ARNT2: variants seen among roughly 807,000 people sequenced by gnomAD.
The protein encoded by ARNT2 is aryl hydrocarbon receptor nuclear translocator 2, also known as ARNT protein 2.
In ARNT2, 36 loss-of-function variants were observed where a neutral mutation model predicts 91.7. The ratio of observed to expected loss-of-function variants is 0.39; its 90% CI spans 0.30 to 0.52. ARNT2 has a LOEUF of 0.52. Ranked by LOEUF, ARNT2 falls within the 20% of genes least tolerant of loss-of-function variation. The pLI is 0.72. For missense variants in ARNT2, 775 were observed against 939.3 expected (o/e 0.83, Z 2.29); for synonymous variants, 365 against 347.1 (o/e 1.05, Z -0.57).
chr15:80,445,270 A>G (rs1321572492), intron 1 of ARNT2: 1 of 134,238 alleles, frequency 7.4e-6, no homozygotes, highest in African/African-American at 2.9e-5. Flanking sequence ...ATGTGTGTTG[A>G]TATGGGGTGT....
intron 6 of ARNT2, among the ~76,000 whole-genome samples, chr15:80,511,174 C>T (rs1897335209): frequency 6.6e-6 from 1 of 152,092 alleles, no homozygotes; most frequent in South Asian, 2.1e-4. Flanking sequence ...GGTACGTATA[C>T]ACCATGGAAT....
At chr15:80,550,705 C>T (rs1456106707) in intron 8 of ARNT2, among the ~76,000 whole-genome samples, 3 of 152,380 alleles carry the variant, frequency 2.0e-5, no homozygotes, top group African/African-American at 7.2e-5. Context: ...AGCCCTTAAA[C>T]AACCCTGACT....
At chr15:80,417,129 G>A (rs1166805159) in intron 1 of ARNT2, among the ~76,000 whole-genome samples, 2 of 152,226 alleles carry the variant, frequency 1.3e-5, no homozygotes, top group East Asian at 3.9e-4. Flanking sequence ...AAGTCAATAG[G>A]GAGTTGAAGT....
chr15:80,436,741 T>A lies in ARNT2; in HGVS notation c.32-14139T>A, dbSNP rs148332221. On this transcript the variant is annotated intron_variant, in intron 1 of 18. Transcript: ENST00000303329. ...TATGTGGACAGTCTTCATTTGTGCC[T>A]GGGATTTTAACGTCTCTGCATGCTA... Among the ~76,000 whole-genome samples the A allele has an allele frequency of 2.2e-4, 33 of 152,326 alleles. 1 individual carries two copies. Among genetic ancestry groups the A allele is most frequent in the East Asian group, 1.7e-3 (9 of 5,192 alleles).
intron 1 of ARNT2, among the ~76,000 whole-genome samples, chr15:80,431,033 T>A (rs985042679): frequency 6.6e-6 from 1 of 152,058 alleles, no homozygotes; most frequent in Admixed American, 6.5e-5. Context: ...TTCATTTATA[T>A]CCTTCCTGGA....
intron 18 of ARNT2, 142 bp from the exon 19 acceptor site, chr15:80,593,458 C>T (rs1030033593): frequency 3.1e-6 from 2 of 636,406 alleles, no homozygotes; most frequent in Admixed American, 2.8e-5. Flanking sequence ...GCAGAGCATC[C>T]CGCAGAAGGC....
chr15:80,514,409 A>T lies in ARNT2; in HGVS notation c.877+4A>T. 6.2e-7 allele frequency: 1 copy of T among 1,613,586 alleles called. No individual in the cohort carries two copies. Among genetic ancestry groups the T allele is most frequent in the Non-Finnish European group, 8.5e-7 (1 of 1,179,466 alleles). ...ATCAAGGCCTGGCCACCAGCAGGTAAGGAGACCTGCATGTAAATTCCACGG... is the reference window on the plus strand; with the variant it reads ...ATCAAGGCCTGGCCACCAGCAGGTATGGAGACCTGCATGTAAATTCCACGG... On this transcript the variant is annotated splice_donor_region_variant and intron_variant, in intron 8 of 18. Transcript: ENST00000303329.
intron 8 of ARNT2, among the ~76,000 whole-genome samples, chr15:80,540,483 C>G (rs939737017): frequency 2.6e-5 from 4 of 152,106 alleles, no homozygotes; most frequent in African/African-American, 7.2e-5. Flanking sequence ...ATCCTTTGCT[C>G]ATTTTATTTT....
chr15:80,476,939 G>T lies in ARNT2; in HGVS notation c.622+1716G>T, dbSNP rs146171358. Among the ~76,000 whole-genome samples, 240 of 152,266 alleles carry T rather than the reference G, an allele frequency of 1.6e-3. 1 individual carries two copies. Among genetic ancestry groups the T allele is most frequent in the African/African-American group, 5.3e-3 (219 of 41,544 alleles). On this transcript the variant is annotated intron_variant, in intron 5 of 18. Transcript: ENST00000303329. Reference sequence around the variant, plus strand: ...GATGGGAGGTGATTGGATCATGGGGGTGGGTTCGCCTGAATGGTTTAGTAC... The same window carrying T: ...GATGGGAGGTGATTGGATCATGGGGTTGGGTTCGCCTGAATGGTTTAGTAC...
intron 8 of ARNT2, among the ~76,000 whole-genome samples, chr15:80,546,359 T>C (rs1034643006): frequency 6.6e-5 from 10 of 152,198 alleles, no homozygotes; most frequent in Non-Finnish European, 1.2e-4. Context: ...GACTTCTGCA[T>C]CCATCTGATA....
At chr15:80,562,284 A>C (rs1259553976) in intron 11 of ARNT2, among the ~76,000 whole-genome samples, 1 of 152,042 alleles carries the variant, frequency 6.6e-6, no homozygotes, top group East Asian at 1.9e-4. Flanking sequence ...GCCAGGCTGG[A>C]GCATATTTTC....
At chr15:80,422,750 A>G (rs1051797587) in intron 1 of ARNT2, among the ~76,000 whole-genome samples, 32 of 126,524 alleles carry the variant, frequency 2.5e-4, no homozygotes, top group Middle Eastern at 8.0e-3. Context: ...AAGTATAATA[A>G]TATTTCTAGA....
rs1898498248 is a variant in ARNT2, at chr15:80,567,078, AG to A, written c.1316+3842del. Among the ~76,000 whole-genome samples, 6 of 152,166 alleles carry A rather than the reference AG, an allele frequency of 3.9e-5. No individual in the cohort carries two copies. In the South Asian group the frequency reaches 1.2e-3, roughly 32 times the overall value. The stretch of plus-strand genomic sequence containing the variant: ...TGTGTGGCCCGGCCTTGAAGAAAAT[AG>A]GGAAGCTTGAGAAACGGGAGTAAAG... On this transcript the variant is annotated intron_variant, in intron 12 of 18. Coordinates refer to ENST00000303329, the MANE Select transcript of ARNT2 (RefSeq NM_014862.4).
rs72732089 is a variant in ARNT2, at chr15:80,585,926, G to A, written c.1918+4522G>A. ...GCGTCCTCTGCTGAGAAAGCCTAAC[G>A]CTGCACTCGCTGACAAAGGAGAAAT... On this transcript the variant is annotated intron_variant, in intron 17 of 18. Transcript: ENST00000303329. Among the ~76,000 whole-genome samples, 10 of 152,322 alleles carry A rather than the reference G, an allele frequency of 6.6e-5. No homozygotes were observed. In the South Asian group the frequency reaches 1.5e-3, roughly 22 times the overall value.
chr15:80,461,618 A>T (rs1896554694), intron 3 of ARNT2, among the ~76,000 whole-genome samples: 1 of 151,988 alleles, frequency 6.6e-6, no homozygotes, highest in Admixed American at 6.5e-5. Context: ...GGGGAGACAG[A>T]TGGGTGGGTG....
In ARNT2 at chr15:80,489,616, G is replaced by A. The variant is rs140860203; in HGVS notation, c.622+14393G>A. Among the ~76,000 whole-genome samples, 1,000 of 152,318 alleles carry A rather than the reference G, an allele frequency of 6.6e-3. 43 individuals are homozygous for A. Among genetic ancestry groups the A allele is most frequent in the Admixed American group, 0.06 (918 of 15,290 alleles). On this transcript the variant is annotated intron_variant, in intron 5 of 18. Transcript: ENST00000303329. The stretch of plus-strand genomic sequence containing the variant: ...CTACAGCTCTCTCCATAATAGGCCT[G>A]TGAAGTGGCCACTGGCTTCTTTTTG...
chr15:80,519,152 T>A (rs964045555), intron 8 of ARNT2, among the ~76,000 whole-genome samples: 2 of 152,228 alleles, frequency 1.3e-5, no homozygotes, highest in Non-Finnish European at 2.9e-5. Flanking sequence ...GATATTATAG[T>A]GCATGTAAAT....
chr15:80,492,235 C>G (rs1897067496), intron 5 of ARNT2, among the ~76,000 whole-genome samples: 1 of 152,084 alleles, frequency 6.6e-6, no homozygotes. Context: ...GAGAAAAGGT[C>G]TGGTGTTGCC....
intron 1 of ARNT2, among the ~76,000 whole-genome samples, chr15:80,408,188 T>A (rs1480156718): frequency 6.6e-6 from 1 of 152,218 alleles, no homozygotes; most frequent in African/African-American, 2.4e-5. Context: ...GACATTTGAA[T>A]CAGCTTGTTG....
Sources: gnomAD v4.1 joint callset for allele counts (sites outside exome capture counted in the v4.1 genomes callset) on GRCh38, gnomAD v4.1.1 for gene constraint, MANE v1.5 for transcripts, NCBI Gene and HGNC (gene_info 2026-07-23, HGNC 2026-07-21) for gene names.